Variants in CCDC148 observed in about 807,000 individuals in gnomAD.
The protein encoded by CCDC148 is coiled-coil domain-containing protein 148.
CCDC148 carries 89 observed loss-of-function variants against 85.7 expected under a neutral mutation model. That is an observed-to-expected ratio of 1.04 (90% CI 0.87 to 1.24). CCDC148 has a LOEUF of 1.24. CCDC148 is among the 50% of genes most tolerant of loss of function. The pLI, the probability that CCDC148 is intolerant of heterozygous loss-of-function variation, is 0.00. For missense variants in CCDC148, 692 were observed against 671.7 expected, an observed-to-expected ratio of 1.03 and a Z score of -0.33; for synonymous variants, 230 against 213.9, an observed-to-expected ratio of 1.08 and a Z score of -0.66.
intron 1 of CCDC148, among the ~76,000 whole-genome samples, chr2:158,386,717 A>T (rs1447702355): frequency 6.6e-6 from 1 of 152,134 alleles, no homozygotes; most frequent in Non-Finnish European, 1.5e-5. Context: ...GATTTTTAAA[A>T]AAATCAATAC....
intron 1 of CCDC148, among the ~76,000 whole-genome samples, chr2:158,366,296 C>T (rs1463356000): frequency 6.6e-6 from 1 of 152,014 alleles, no homozygotes; most frequent in African/African-American, 2.4e-5. Flanking sequence ...TATTTTTTCC[C>T]TCTTAATCCT....
intron 9 of CCDC148, among the ~76,000 whole-genome samples, chr2:158,266,908 A>AGATATATG (rs769425463): frequency 1.1e-4 from 9 of 79,300 alleles, no homozygotes; most frequent in Non-Finnish European, 2.4e-4. Context: ...ATATATATAC[A>AGATATATG]CACACATATA....
At chr2:158,314,878 T>C (rs574156849) in intron 7 of CCDC148, among the ~76,000 whole-genome samples, 50 of 152,304 alleles carry the variant, frequency 3.3e-4, no homozygotes, top group African/African-American at 1.2e-3. Flanking sequence ...TTCTTATATA[T>C]CTTCCATGCC....
intron 11 of CCDC148, among the ~76,000 whole-genome samples, chr2:158,194,998 C>T (rs1341235285): frequency 6.6e-6 from 1 of 151,858 alleles, no homozygotes; most frequent in Non-Finnish European, 1.5e-5. Context: ...GCATGTGCTA[C>T]AGTCTCTGCT....
chr2:158,277,374 ACT>A (rs1164249746), intron 9 of CCDC148, among the ~76,000 whole-genome samples: 4 of 152,338 alleles, frequency 2.6e-5, no homozygotes, highest in South Asian at 4.1e-4. Flanking sequence ...ATTCACACCT[ACT>A]GAGAATGTTC....
At chr2:158,314,828 A>G (rs745542148) in intron 7 of CCDC148, among the ~76,000 whole-genome samples, 1 of 152,228 alleles carries the variant, frequency 6.6e-6, no homozygotes, top group Non-Finnish European at 1.5e-5. Flanking sequence ...TACTATATCA[A>G]TGGTCTTATA....
chr2:158,305,862 T>C (rs1413574910), intron 9 of CCDC148, among the ~76,000 whole-genome samples: 1 of 147,540 alleles, frequency 6.8e-6, no homozygotes, highest in Non-Finnish European at 1.5e-5. Flanking sequence ...TAATCACCAA[T>C]AACTTGAAAC....
chr2:158,262,767 A>T (rs965072120), intron 9 of CCDC148, among the ~76,000 whole-genome samples: 2 of 152,014 alleles, frequency 1.3e-5, no homozygotes, highest in African/African-American at 4.8e-5. Flanking sequence ...CGCCCCCATG[A>T]TCCAATCACC....
intron 9 of CCDC148, among the ~76,000 whole-genome samples, chr2:158,252,174 A>T (rs543930740): frequency 1.3e-5 from 2 of 151,976 alleles, no homozygotes; most frequent in South Asian, 4.1e-4. Context: ...GATGAAAATT[A>T]AATAAATAAA....
chr2:158,312,587 A>C (rs1241491584), intron 8 of CCDC148, among the ~76,000 whole-genome samples: 1 of 151,080 alleles, frequency 6.6e-6, no homozygotes, highest in Non-Finnish European at 1.5e-5. Flanking sequence ...TCAAAAAAAA[A>C]AAAAAAAAAA....
intron 11 of CCDC148, 56 bp from the exon 12 acceptor site, chr2:158,179,052 G>T: frequency 7.4e-7 from 1 of 1,358,252 alleles, no homozygotes; most frequent in South Asian, 1.2e-5. Context: ...ATTGGAGATT[G>T]TACAGAAAAC....
At chr2:158,327,473 C>T (rs999031504) in intron 7 of CCDC148, among the ~76,000 whole-genome samples, 2 of 152,130 alleles carry the variant, frequency 1.3e-5, no homozygotes, top group Non-Finnish European at 2.9e-5. Context: ...ATCACATGAG[C>T]AACGTGAATG....
intron 1 of CCDC148, among the ~76,000 whole-genome samples, chr2:158,450,945 T>C (rs6730505): frequency 0.067 from 10,175 of 152,150 alleles, 747 homozygotes; most frequent in African/African-American, 0.18. Context: ...TTGGTATACT[T>C]CGATTCTGTC....
chr2:158,409,792 T>A (rs2543650), intron 1 of CCDC148, among the ~76,000 whole-genome samples: 135,131 of 152,138 alleles, frequency 0.89, 60,776 homozygotes, highest in Non-Finnish European at 0.96. Flanking sequence ...TCCCCACCCA[T>A]ATCTCATCTT....
intron 9 of CCDC148, among the ~76,000 whole-genome samples, chr2:158,297,956 C>T (rs967736975): frequency 6.6e-6 from 1 of 152,212 alleles, no homozygotes; most frequent in Non-Finnish European, 1.5e-5. Flanking sequence ...TACCCAAGAC[C>T]AGGTAATTTA....
rs116659238 is a variant in CCDC148, at chr2:158,377,221, A to G, written c.26-18651T>C. The stretch of plus-strand genomic sequence containing the variant: ...GGAAAAATAAACTGCTCTTCCTTAG[A>G]GAAAGAGGGAAGGGATAGTTTTTCT... On this transcript the variant is annotated intron_variant, in intron 1 of 13. Transcript: ENST00000283233. Among the ~76,000 whole-genome samples the G allele has an allele frequency of 7.4e-3, 1,115 of 151,262 alleles. 19 individuals are homozygous for G. Among genetic ancestry groups the G allele is most frequent in the African/African-American group, 0.026 (1,064 of 41,138 alleles).
intron 11 of CCDC148, among the ~76,000 whole-genome samples, chr2:158,217,550 C>G (rs1686951867): frequency 6.6e-6 from 1 of 151,692 alleles, no homozygotes; most frequent in Non-Finnish European, 1.5e-5. Context: ...CTACAGGCAC[C>G]CGCCACCATG....
chr2:158,228,380 C>A (rs1687668667), intron 10 of CCDC148, among the ~76,000 whole-genome samples: 1 of 152,100 alleles, frequency 6.6e-6, no homozygotes, highest in Non-Finnish European at 1.5e-5. Flanking sequence ...CTAGTTCACC[C>A]ATTATGGAAG....
Position 158,456,473 on chromosome 2 carries a change from C to A in CCDC148, c.-34G>T. 1 of 1,604,624 alleles carries A rather than the reference C, an allele frequency of 6.2e-7. No homozygotes were observed. The highest frequency in any genetic ancestry group is 1.7e-5 in the Admixed American group (1 of 58,540). Reference sequence around the variant, plus strand: ...TCAAAGGGCATAGCCTCAGGGACTCCCCAAACGCAGGAAAAGTGAAACGCC... The same window carrying A: ...TCAAAGGGCATAGCCTCAGGGACTCACCAAACGCAGGAAAAGTGAAACGCC... On this transcript the variant is annotated 5_prime_UTR_variant, in exon 1 of 14. Transcript: ENST00000283233.
Sources: allele counts gnomAD v4.1 joint callset (sites outside exome capture counted in the v4.1 genomes callset), GRCh38; gene constraint gnomAD v4.1.1; transcripts MANE v1.5; gene names NCBI Gene and HGNC (gene_info 2026-07-23, HGNC 2026-07-21).